Variants in CSMD1 observed in about 807,000 individuals in gnomAD.
CSMD1 encodes the protein CUB and sushi domain-containing protein 1.
CSMD1 carries 213 observed loss-of-function variants against 417.5 expected under a neutral mutation model. The ratio of observed to expected loss-of-function variants is 0.51; its 90% CI spans 0.46 to 0.57. The LOEUF (loss-of-function observed/expected upper bound fraction) is 0.57, where lower values mean the gene tolerates loss of function less well. Among genes scored for constraint, CSMD1 ranks in the 20% least tolerant of loss-of-function variants. CSMD1 has a pLI of 0.00. For missense variants in CSMD1, 6,923 were observed against 4,529.7 expected (o/e 1.53, Z -15.17); for synonymous variants, 2,862 against 1,736.8 (o/e 1.65, Z -16.11).
chr8:4,391,938 C>A (rs958707272), intron 3 of CSMD1, among the ~76,000 whole-genome samples: 3 of 152,306 alleles, frequency 2.0e-5, no homozygotes, highest in Admixed American at 6.5e-5. Flanking sequence ...ATGAAGAATA[C>A]TGAGATAGTC....
At chr8:3,475,816 C>G (rs1432248883) in intron 11 of CSMD1, among the ~76,000 whole-genome samples, 1 of 152,220 alleles carries the variant, frequency 6.6e-6, no homozygotes, top group African/African-American at 2.4e-5. Context: ...TGCCTTACAA[C>G]TAGGGCACTT....
intron 3 of CSMD1, among the ~76,000 whole-genome samples, chr8:4,280,785 T>A (rs1338976965): frequency 2.0e-5 from 3 of 152,220 alleles, no homozygotes; most frequent in African/African-American, 7.2e-5. Context: ...TATAAAATAT[T>A]ATTTGAACGT....
chr8:3,385,414 C>T (rs1242819562), intron 18 of CSMD1, among the ~76,000 whole-genome samples: 1 of 151,328 alleles, frequency 6.6e-6, no homozygotes, highest in Non-Finnish European at 1.5e-5. Context: ...AATCTATTGA[C>T]CTGTTATCCT....
intron 10 of CSMD1, among the ~76,000 whole-genome samples, chr8:3,507,042 C>A (rs1473566784): frequency 6.6e-6 from 1 of 151,946 alleles, no homozygotes; most frequent in African/African-American, 2.4e-5. Context: ...ACGTATATAC[C>A]AAGTGCCTAA....
intron 3 of CSMD1, among the ~76,000 whole-genome samples, chr8:4,338,963 T>C (rs1800325017): frequency 6.6e-6 from 1 of 152,090 alleles, no homozygotes; most frequent in Non-Finnish European, 1.5e-5. Flanking sequence ...GGTCTGGGCA[T>C]ACAGTCAATG....
chr8:4,602,205 T>A (rs796445844), intron 2 of CSMD1, among the ~76,000 whole-genome samples: 6 of 152,296 alleles, frequency 3.9e-5, no homozygotes, highest in African/African-American at 1.2e-4. Context: ...GGCATTGCCT[T>A]TCCACCCTAT....
At position 4,435,691 on chromosome 8, in the gene CSMD1, G is replaced by C. The variant is rs148277220; in HGVS notation, c.303-15626C>G. Among the ~76,000 whole-genome samples, 75 of 152,324 alleles carry C rather than the reference G, an allele frequency of 4.9e-4. 1 individual carries two copies. The East Asian group carries it at 7.5e-3, about 15-fold the overall frequency. The stretch of plus-strand genomic sequence containing the variant: ...AGGTCACCCGAGTTGTTACTGACAA[G>C]TGGAGGTGCCTCTGTGTGGGGCTGT... On this transcript the variant is annotated intron_variant, in intron 2 of 69. Coordinates refer to ENST00000635120, the MANE Select transcript of CSMD1 (RefSeq NM_033225.6).
intron 4 of CSMD1, among the ~76,000 whole-genome samples, chr8:4,025,802 G>C (rs940700297): frequency 6.6e-6 from 1 of 152,122 alleles, no homozygotes; most frequent in Non-Finnish European, 1.5e-5. Context: ...AAGGTGACTG[G>C]CCTCTGATTT....
At chr8:3,214,473 G>GA in intron 30 of CSMD1, 24 bp downstream of exon 30, 1 of 1,502,034 alleles carries the variant, frequency 6.7e-7, no homozygotes. Flanking sequence ...TGTATTTCTA[G>GA]AAAATACCCA....
chr8:3,765,942 C>G (rs1468018434), intron 5 of CSMD1, among the ~76,000 whole-genome samples: 1 of 152,190 alleles, frequency 6.6e-6, no homozygotes, highest in African/African-American at 2.4e-5. Context: ...TAAAAATGGC[C>G]TGGATGCCAG....
At chr8:3,725,078 G>C (rs369376911) in intron 6 of CSMD1, among the ~76,000 whole-genome samples, 1 of 152,198 alleles carries the variant, frequency 6.6e-6, no homozygotes, top group Non-Finnish European at 1.5e-5. Flanking sequence ...GGAGGTTAAG[G>C]GCCCTCAGCA....
At chr8:4,911,390 T>C (rs993740308) in intron 1 of CSMD1, among the ~76,000 whole-genome samples, 4 of 152,246 alleles carry the variant, frequency 2.6e-5, no homozygotes, top group African/African-American at 9.6e-5. Context: ...GGTCTTTCTC[T>C]AGATTTGTTA....
chr8:4,905,034 A>C (rs903151064), intron 1 of CSMD1, among the ~76,000 whole-genome samples: 3 of 152,334 alleles, frequency 2.0e-5, no homozygotes, highest in Non-Finnish European at 2.9e-5. Context: ...GAAATTAAAA[A>C]TAGCTGGGAC....
intron 3 of CSMD1, among the ~76,000 whole-genome samples, chr8:4,288,628 T>C (rs932358245): frequency 3.3e-5 from 5 of 152,190 alleles, no homozygotes; most frequent in African/African-American, 1.2e-4. Flanking sequence ...AGGTGAAGGA[T>C]GTTGCCACCA....
Position 4,890,636 on chromosome 8 carries a change from G to C in CSMD1, c.85+103696C>G, listed in dbSNP as rs115039012. Among the ~76,000 whole-genome samples the C allele has an allele frequency of 1.0e-3, 158 of 151,922 alleles. 2 individuals are homozygous for C. The highest frequency in any genetic ancestry group is 3.5e-3 in the African/African-American group (144 of 41,378). On this transcript the variant is annotated intron_variant, in intron 1 of 69. Transcript: ENST00000635120. ...CCCTGCTTCAGGTCCTCACAGCCATGGGCATCCTGGGCAGGACAGATGAGA... is the reference window on the plus strand; with the variant it reads ...CCCTGCTTCAGGTCCTCACAGCCATCGGCATCCTGGGCAGGACAGATGAGA...
intron 5 of CSMD1, among the ~76,000 whole-genome samples, chr8:3,793,866 T>C (rs1003577672): frequency 6.6e-6 from 1 of 152,144 alleles, no homozygotes; most frequent in Non-Finnish European, 1.5e-5. Context: ...TGACTGAGTG[T>C]CGCTGATGGA....
chr8:3,322,501 A>G (rs1394753066), intron 23 of CSMD1, among the ~76,000 whole-genome samples: 1 of 152,208 alleles, frequency 6.6e-6, no homozygotes. Context: ...GGGTTCTGGA[A>G]GTTTCCAGAA....
chr8:4,320,468 G>A (rs778575461), intron 3 of CSMD1, among the ~76,000 whole-genome samples: 10 of 152,142 alleles, frequency 6.6e-5, no homozygotes, highest in South Asian at 2.1e-4. Context: ...ATCAACCTGC[G>A]ATCTACATTA....
Position 3,157,677 on chromosome 8 carries a change from G to A in CSMD1, c.5914+220C>T, listed in dbSNP as rs557177395. On this transcript the variant is annotated intron_variant, in intron 39 of 69. Coordinates refer to ENST00000635120, the MANE Select transcript of CSMD1 (RefSeq NM_033225.6). The stretch of plus-strand genomic sequence containing the variant: ...GGCAGTCTTGCCTCTGGTCTGTGCG[G>A]GCTGACCCAGACACACTGAGAAGAC... Among the ~76,000 whole-genome samples the A allele has an allele frequency of 1.1e-4, 16 of 152,332 alleles. No individual in the cohort carries two copies. In the East Asian group the frequency reaches 2.5e-3, roughly 24 times the overall value.
Sources: gnomAD v4.1 joint callset for allele counts (sites outside exome capture counted in the v4.1 genomes callset) on GRCh38, gnomAD v4.1.1 for gene constraint, MANE v1.5 for transcripts, NCBI Gene and HGNC (gene_info 2026-07-23, HGNC 2026-07-21) for gene names.